The following UBASH3B variants were observed in gnomAD, a reference collection of about 807,000 sequenced individuals.
UBASH3B encodes ubiquitin associated and SH3 domain containing B, also known as ubiquitin-associated and SH3 domain-containing protein B.
In UBASH3B, 37 loss-of-function variants were observed where a neutral mutation model predicts 83.4. The ratio of observed to expected loss-of-function variants is 0.44; its 90% CI spans 0.34 to 0.58. The LOEUF (loss-of-function observed/expected upper bound fraction) is 0.58, where lower values mean the gene tolerates loss of function less well. Ranked by LOEUF, UBASH3B falls within the 20% of genes least tolerant of loss-of-function variation. The pLI, the probability that UBASH3B is intolerant of heterozygous loss-of-function variation, is 0.01. For synonymous variants in UBASH3B, 304 were observed against 318.3 expected (o/e 0.96, Z 0.48); for missense variants, 657 against 827.2 (o/e 0.79, Z 2.52).
At chr11:122,762,098 C>T (rs1006932502) in intron 1 of UBASH3B, among the ~76,000 whole-genome samples, 27 of 152,122 alleles carry the variant, frequency 1.8e-4, no homozygotes, top group Admixed American at 1.1e-3. Context: ...GGCCGGTTTT[C>T]GCCATTACCG....
chr11:122,784,325 A>G (rs1207276230), intron 5 of UBASH3B, among the ~76,000 whole-genome samples: 1 of 152,212 alleles, frequency 6.6e-6, no homozygotes, highest in African/African-American at 2.4e-5. Context: ...GCAAGAGCCC[A>G]TGTATTTTGA....
chr11:122,759,868 T>C lies in UBASH3B; in HGVS notation c.162-16351T>C, dbSNP rs1163995464. Among the ~76,000 whole-genome samples the C allele has an allele frequency of 1.3e-5, 2 of 152,234 alleles. No individual in the cohort carries two copies. The highest frequency in any genetic ancestry group is 2.9e-5 in the Non-Finnish European group (2 of 68,040). On this transcript the variant is annotated intron_variant, in intron 1 of 13. Transcript: ENST00000284273. This position sits in a 1 kb window ranked among gnomAD's most constrained non-coding sequence, Gnocchi z 4.1. Reference sequence around the variant, plus strand: ...GGAGACACCTGACTTAGATGTGTCTTATGTGTGTCATAATGGAATAGCACA... The same window carrying C: ...GGAGACACCTGACTTAGATGTGTCTCATGTGTGTCATAATGGAATAGCACA...
At chr11:122,680,141 A>T (rs1314087057) in intron 1 of UBASH3B, among the ~76,000 whole-genome samples, 1 of 152,018 alleles carries the variant, frequency 6.6e-6, no homozygotes, top group Admixed American at 6.6e-5. Context: ...AATTATTTTA[A>T]CCATTTAAAA....
intron 1 of UBASH3B, among the ~76,000 whole-genome samples, chr11:122,750,464 A>T (rs1861182826): frequency 6.6e-6 from 1 of 152,210 alleles, no homozygotes; most frequent in South Asian, 2.1e-4. Context: ...GCTTACTGGC[A>T]CACTAGTATT....
intron 1 of UBASH3B, among the ~76,000 whole-genome samples, chr11:122,744,909 GCGCACT>G (rs1555142511): frequency 1.4e-5 from 2 of 139,372 alleles, no homozygotes; most frequent in African/African-American, 2.8e-5. Context: ...GCGCGCGCGC[GCGCACT>G]TGGGCACGTG....
At chr11:122,775,313 T>C (rs1860713601) in intron 1 of UBASH3B, among the ~76,000 whole-genome samples, 1 of 152,266 alleles carries the variant, frequency 6.6e-6, no homozygotes, top group African/African-American at 2.4e-5. Flanking sequence ...ACACAGGGCT[T>C]CACTGCTATA....
At position 122,656,108 on chromosome 11, in the gene UBASH3B, G is replaced by A. The variant is rs1863357038; in HGVS notation, c.59G>A (p.Ser20Asn). ...ATGGCTGCGAGAGAGGAGCTGTACA[G>A]CAAAGTCACCCCCCGGAGGAACCGC... ...LGMAAREELY[S>N]KVTPRRNRQQ... is the part of the protein sequence containing the mutation. Residue 20 changes from serine to asparagine, a missense_variant, in exon 1 of 14, where the codon AGC (serine) becomes AAC (asparagine). By Grantham distance (46) the Ser-to-Asn change is conservative. This residue lies in a region of UBASH3B where 78 missense variants were observed against 68.4 expected (regional missense o/e 1.14). Transcript: ENST00000284273. The A allele has an allele frequency of 1.2e-6, 2 of 1,602,044 alleles. No individual in the cohort carries two copies. The highest frequency in any genetic ancestry group is 1.7e-6 in the Non-Finnish European group (2 of 1,175,474).
chr11:122,699,565 CTTTCTTTCTTTT>C (rs2135927314), intron 1 of UBASH3B, among the ~76,000 whole-genome samples: 1 of 124,484 alleles, frequency 8.0e-6, no homozygotes, highest in East Asian at 2.1e-4. Context: ...TTCTTTCTTT[CTTTCTTTCTTTT>C]CTTTCTTTCC....
chr11:122,756,517 T>C (rs1237966818), intron 1 of UBASH3B, among the ~76,000 whole-genome samples: 1 of 152,216 alleles, frequency 6.6e-6, no homozygotes, highest in African/African-American at 2.4e-5. Context: ...GGTTCCTAAA[T>C]GTCAGGGAAG....
At chr11:122,720,625 A>G (rs1860609261) in intron 1 of UBASH3B, among the ~76,000 whole-genome samples, 1 of 152,114 alleles carries the variant, frequency 6.6e-6, no homozygotes, top group South Asian at 2.1e-4. Flanking sequence ...CATTCAGCTG[A>G]AGCCACATGG....
intron 1 of UBASH3B, among the ~76,000 whole-genome samples, chr11:122,731,866 C>T (rs1277936034): frequency 2.0e-5 from 3 of 152,118 alleles, no homozygotes; most frequent in African/African-American, 7.2e-5. Context: ...GGTTTTTGTA[C>T]CCAGACATGT....
chr11:122,790,092 C>T (rs549219480), intron 6 of UBASH3B, among the ~76,000 whole-genome samples: 1 of 152,348 alleles, frequency 6.6e-6, no homozygotes, highest in African/African-American at 2.4e-5. Context: ...GTTTGTTTTT[C>T]TCCCACTTGT....
At chr11:122,656,627 G>A (rs554491172) in intron 1 of UBASH3B, among the ~76,000 whole-genome samples, 43 of 152,304 alleles carry the variant, frequency 2.8e-4, no homozygotes, top group African/African-American at 9.6e-4. Flanking sequence ...GGCTGGTCTG[G>A]GATCCTCCGG....
chr11:122,737,221 G>C (rs1860948475), intron 1 of UBASH3B, among the ~76,000 whole-genome samples: 1 of 152,184 alleles, frequency 6.6e-6, no homozygotes, highest in South Asian at 2.1e-4. Flanking sequence ...GTTTTAAGAA[G>C]AAGAGTGTAT....
At chr11:122,678,932 G>A (rs1224759570) in intron 1 of UBASH3B, among the ~76,000 whole-genome samples, 1 of 152,186 alleles carries the variant, frequency 6.6e-6, no homozygotes, top group Non-Finnish European at 1.5e-5. Context: ...ACCCCATGAT[G>A]TACCAAGAAC....
intron 1 of UBASH3B, among the ~76,000 whole-genome samples, chr11:122,757,186 C>T (rs533528347): frequency 5.3e-5 from 8 of 152,354 alleles, no homozygotes; most frequent in African/African-American, 1.9e-4. Context: ...ATTATGGACT[C>T]AACATTTGTG....
At chr11:122,725,585 T>C (rs1160554932) in intron 1 of UBASH3B, among the ~76,000 whole-genome samples, 3 of 152,064 alleles carry the variant, frequency 2.0e-5, no homozygotes, top group South Asian at 4.1e-4. Context: ...TCTCCATAGC[T>C]CATCTTTAGA....
intron 1 of UBASH3B, among the ~76,000 whole-genome samples, chr11:122,695,610 T>C (rs1863956307): frequency 6.6e-6 from 1 of 152,252 alleles, no homozygotes; most frequent in East Asian, 1.9e-4. Context: ...TTTTCTTTTT[T>C]ACTTTTTCCC....
intron 1 of UBASH3B, among the ~76,000 whole-genome samples, chr11:122,770,351 A>T (rs186317370): frequency 6.6e-6 from 1 of 152,346 alleles, no homozygotes; most frequent in East Asian, 1.9e-4. Context: ...GAGTTTTATC[A>T]AATGGCACTA....
Sources: allele counts gnomAD v4.1 joint callset (sites outside exome capture counted in the v4.1 genomes callset), GRCh38; gene constraint gnomAD v4.1.1; regional missense constraint gnomAD v4.1.1; non-coding constraint Gnocchi (gnomAD v3.1); transcripts MANE v1.5; gene names NCBI Gene and HGNC (gene_info 2026-07-23, HGNC 2026-07-21).